LTF: variants seen among roughly 807,000 people sequenced by gnomAD.
LTF encodes the protein epididymis luminal protein 110.
A neutral mutation model predicts 87.2 loss-of-function variants in LTF; 91 were observed. That is an observed-to-expected ratio of 1.04 (90% CI 0.88 to 1.24). The LOEUF is 1.24. LTF is among the 50% of genes most tolerant of loss of function. LTF has a pLI of 0.00. For synonymous variants in LTF, 378 were observed against 356.1 expected (o/e 1.06, Z -0.69); for missense variants, 901 against 904.3 (o/e 1.00, Z 0.05).
At chr3:46,484,686 C>T (rs1703494157) in intron 1 of LTF, among the ~76,000 whole-genome samples, 1 of 152,184 alleles carries the variant, frequency 6.6e-6, no homozygotes, top group Non-Finnish European at 1.5e-5. Context: ...GAAGCAAGAA[C>T]ATTAAAAGTG....
intron 6 of LTF, among the ~76,000 whole-genome samples, chr3:46,452,939 G>A (rs541464378): frequency 1.3e-5 from 2 of 152,296 alleles, no homozygotes; most frequent in South Asian, 4.1e-4. Context: ...GGGCATCTTT[G>A]AAATATCTCA....
Position 46,455,317 on chromosome 3 carries a change from A to AGTAC in LTF, c.621_624dup (p.Phe209ValfsTer28). 2 of 1,614,246 alleles carry AGTAC rather than the reference A, an allele frequency of 1.2e-6. No individual in the cohort carries two copies. The highest frequency in any genetic ancestry group is 1.7e-6 in the Non-Finnish European group (2 of 1,180,030). On this transcript the variant is annotated frameshift_variant, in exon 5 of 17. Transcript: ENST00000231751. LOFTEE classifies it high-confidence loss of function. ...CACTTGAAGGCACCAGAGTAGCTGA[A>AGTAC]GTACGGTTCCTGGGAGGAGAAGGCA...
chr3:46,480,543 G>A (rs1021332737), intron 1 of LTF, among the ~76,000 whole-genome samples: 3 of 152,288 alleles, frequency 2.0e-5, no homozygotes, highest in Middle Eastern at 3.4e-3. Flanking sequence ...TCCCTATCTG[G>A]TGCTGGGCCT....
intron 15 of LTF, 122 bp downstream of exon 15, chr3:46,439,174 C>T (rs1702454780): frequency 1.1e-6 from 1 of 919,282 alleles, no homozygotes; most frequent in Non-Finnish European, 1.6e-6. Flanking sequence ...AATACTCTCA[C>T]CATGAGCTTC....
intron 1 of LTF, among the ~76,000 whole-genome samples, chr3:46,460,764 G>C (rs1489969444): frequency 6.6e-6 from 1 of 152,068 alleles, no homozygotes; most frequent in Non-Finnish European, 1.5e-5. Context: ...TGGAAAGAAA[G>C]AAGTAAAACT....
At position 46,455,873 on chromosome 3, in the gene LTF, G is replaced by A. The variant is rs1268592779; in HGVS notation, c.422C>T (p.Thr141Ile). 6.2e-7 allele frequency: 1 copy of A among 1,613,630 alleles called. No homozygotes were observed. Among genetic ancestry groups the A allele is most frequent in the African/African-American group, 1.3e-5 (1 of 75,044 alleles). ...LKSCHTGLRR[T>I]AGWNVPIGTL... The stretch of plus-strand genomic sequence containing the variant: ...CCCTATAGGGACATTCCATCCAGCG[G>A]TCCTGCGAAGGCCTGTGTGGCAGGA... The change falls in exon 4 of 17, where the codon ACC (threonine) becomes ATC (isoleucine). Residue 141 changes from threonine to isoleucine, a missense_variant. Transcript: ENST00000231751.
intron 6 of LTF, among the ~76,000 whole-genome samples, chr3:46,451,538 A>C (rs1473358766): frequency 6.6e-6 from 1 of 152,174 alleles, no homozygotes; most frequent in African/African-American, 2.4e-5. Flanking sequence ...TTCAACATCT[A>C]TTTGTGTGTG....
Position 46,449,939 on chromosome 3 carries a change from A to C in LTF, c.972T>G (p.Ile324Met), listed in dbSNP as rs138890561. Residue 324 changes from isoleucine to methionine, a missense_variant, in exon 8 of 17, where the codon ATT becomes ATG. By Grantham distance (10) the Ile-to-Met change is conservative (BLOSUM62 1). Transcript: ENST00000231751. ...TCCTCGGGGGCACCCTCGAAAACCC[A>C]ATGGCAGAGTCCTTGAACAGCAGAT... is the stretch of plus-strand genomic sequence containing the variant. ...QKDLLFKDSA[I>M]GFSRVPPRID... 3.2e-5 allele frequency: 52 copies of C among 1,614,104 alleles called. No homozygotes were observed. In the African/African-American group the frequency reaches 6.1e-4, roughly 19 times the overall value.
chr3:46,452,462 T>A (rs148524124), intron 6 of LTF, among the ~76,000 whole-genome samples: 1 of 152,230 alleles, frequency 6.6e-6, no homozygotes, highest in Non-Finnish European at 1.5e-5. Flanking sequence ...TCAGTACAAT[T>A]CGAATCAAAA....
chr3:46,478,071 T>C (rs1190859939), intron 1 of LTF, among the ~76,000 whole-genome samples: 2 of 152,082 alleles, frequency 1.3e-5, no homozygotes, highest in Non-Finnish European at 2.9e-5. Flanking sequence ...ACACCCACAC[T>C]CCTTATGCCC....
upstream of LTF, among the ~76,000 whole-genome samples, chr3:46,466,515 G>T (rs1286312234): frequency 6.6e-6 from 1 of 152,214 alleles, no homozygotes; most frequent in Non-Finnish European, 1.5e-5. Flanking sequence ...CTCAGCCCAA[G>T]GTGGAGAGGC....
intron 15 of LTF, among the ~76,000 whole-genome samples, chr3:46,438,780 T>C (rs1702447155): frequency 6.6e-6 from 1 of 152,326 alleles, no homozygotes; most frequent in Admixed American, 6.5e-5. Flanking sequence ...ATGATAAAAA[T>C]AGAAGTTCTA....
chr3:46,444,522 CTA>C (rs1702598237), intron 12 of LTF, among the ~76,000 whole-genome samples: 1 of 152,248 alleles, frequency 6.6e-6, no homozygotes, highest in Admixed American at 6.5e-5. Flanking sequence ...AAGAGCCACA[CTA>C]TGTGTCAACC....
At chr3:46,467,393 G>A (rs1703229445), upstream of LTF, among the ~76,000 whole-genome samples, 1 of 152,006 alleles carries the variant, frequency 6.6e-6, no homozygotes, top group African/African-American at 2.4e-5. Context: ...TAAAGCAAGT[G>A]AGTGTGAGGG....
exon 1 of LTF, chr3:46,485,025 C>A (rs1265318859): frequency 6.6e-6 from 1 of 152,270 alleles, no homozygotes; most frequent in Non-Finnish European, 1.5e-5. Flanking sequence ...TCCTTCTACT[C>A]ATTAAATTCT....
At chr3:46,450,450 GC>G in intron 7 of LTF, 44 bp downstream of exon 7, 8 of 1,561,658 alleles carry the variant, frequency 5.1e-6, no homozygotes, top group Non-Finnish European at 7.0e-6. Context: ...CTTGCTCCCT[GC>G]CCCCCATATC....
At chr3:46,467,644 CTTT>C (rs5848801), upstream of LTF, among the ~76,000 whole-genome samples, 76 of 123,032 alleles carry the variant, frequency 6.2e-4, no homozygotes, top group East Asian at 1.4e-3. Flanking sequence ...CTTTTCTTTT[CTTT>C]TTTTTTTTTT....
chr3:46,475,998 C>A (rs1250136288), intron 1 of LTF, among the ~76,000 whole-genome samples: 1 of 152,166 alleles, frequency 6.6e-6, no homozygotes, highest in Non-Finnish European at 1.5e-5. Flanking sequence ...CTTGTGAGAT[C>A]ATCCTTTAAT....
At chr3:46,453,295 C>A (rs1256468185) in intron 6 of LTF, among the ~76,000 whole-genome samples, 1 of 152,164 alleles carries the variant, frequency 6.6e-6, no homozygotes, top group Admixed American at 6.5e-5. Context: ...AACCATCATT[C>A]GGACAAAAAG....
Sources: gnomAD v4.1 joint callset for allele counts (sites outside exome capture counted in the v4.1 genomes callset) on GRCh38, gnomAD v4.1.1 for gene constraint, MANE v1.5 for transcripts, NCBI Gene and HGNC (gene_info 2026-07-23, HGNC 2026-07-21) for gene names.